ERCC1: variants seen among roughly 807,000 people sequenced by gnomAD.
The protein encoded by ERCC1 is DNA excision repair protein ERCC-1.
Under a neutral mutation model 37.6 loss-of-function variants are expected in ERCC1, and 36 were observed. That is an observed-to-expected ratio of 0.96 (90% confidence interval 0.73 to 1.26). ERCC1 has a LOEUF of 1.26. Among genes scored for constraint, ERCC1 ranks in the 50% most tolerant of loss-of-function variants. The probability of loss-of-function intolerance (pLI) is 0.00; values close to 1 mark genes in which losing one functional copy is unlikely to be tolerated. For synonymous variants in ERCC1, 156 were observed against 162.1 expected (o/e 0.96, Z 0.28); for missense variants, 349 against 376.5 (o/e 0.93, Z 0.60).
chr19:45,408,343 G>A lies in ERCC1; in HGVS notation c.*1332C>T. ...TCCTTGAGGGTCCCCAGCAATCCCT[G>A]TCAGGGAGCCCTCTGCAGCCCATCC... On this transcript the variant is annotated 3_prime_UTR_variant, in exon 10 of 10. Coordinates refer to ENST00000300853, the MANE Select transcript of ERCC1 (RefSeq NM_001983.4). 1 of 1,608,348 alleles carries A rather than the reference G, an allele frequency of 6.2e-7. No individual in the cohort carries two copies. Among genetic ancestry groups the A allele is most frequent in the Non-Finnish European group, 8.5e-7 (1 of 1,175,906 alleles).
chr19:45,418,826 A>G (rs1568583695), intron 5 of ERCC1, among the ~76,000 whole-genome samples: 1 of 152,020 alleles, frequency 6.6e-6, no homozygotes, highest in Non-Finnish European at 1.5e-5. Context: ...TCCGTCTCAA[A>G]CAAACAAACA....
At chr19:45,416,764 G>C in intron 6 of ERCC1, 57 bp downstream of exon 6, 1 of 1,340,862 alleles carries the variant, frequency 7.5e-7, no homozygotes. Flanking sequence ...GTGGGATGGG[G>C]GAGCAGGGAC....
rs372342771 is a variant in ERCC1, at chr19:45,413,765, G to A, written c.775-20C>T. ...CAGAGACTGAAAGGTGAAAGCGAGG[G>A]GTCAGGGCAGTTGAGCACAAAAGCC... On this transcript the variant is annotated intron_variant, in intron 8 of 9. Transcript: ENST00000300853. 3.4e-5 allele frequency: 55 copies of A among 1,612,212 alleles called. No homozygotes were observed. The African/African-American group carries it at 6.1e-4, about 18-fold the overall frequency.
chr19:45,427,995 G>C (rs1974737215), upstream of ERCC1, among the ~76,000 whole-genome samples: 1 of 151,974 alleles, frequency 6.6e-6, no homozygotes, highest in Non-Finnish European at 1.5e-5. Context: ...AAATTGCCCT[G>C]GGTTCTACGT....
At chr19:45,419,915 GC>G (rs905899081) in intron 4 of ERCC1, among the ~76,000 whole-genome samples, 5 of 61,672 alleles carry the variant, frequency 8.1e-5, no homozygotes, top group Non-Finnish European at 1.6e-4. Context: ...CAGGCCCCCA[GC>G]CCCTCCTCCC....
intron 1 of ERCC1, among the ~76,000 whole-genome samples, chr19:45,444,609 A>C (rs1056004594): frequency 2.6e-5 from 4 of 152,178 alleles, no homozygotes; most frequent in African/African-American, 7.2e-5. Flanking sequence ...GAGGAGATAC[A>C]GAGATCAGGG....
chr19:45,447,716 T>C (rs183769500), intron 1 of ERCC1, among the ~76,000 whole-genome samples: 3 of 152,148 alleles, frequency 2.0e-5, no homozygotes, highest in Non-Finnish European at 4.4e-5. Context: ...CTCTTGTCCC[T>C]GGCTGTGTGT....
chr19:45,441,967 C>T (rs1975131897), intron 1 of ERCC1, among the ~76,000 whole-genome samples: 1 of 151,960 alleles, frequency 6.6e-6, no homozygotes, highest in Admixed American at 6.6e-5. Flanking sequence ...CAGGTGTGAG[C>T]CACTGTGCAC....
chr19:45,415,055 C>T (rs892711520), intron 6 of ERCC1, 95 bp from the exon 7 acceptor site: 7 of 914,374 alleles, frequency 7.7e-6, no homozygotes, highest in East Asian at 2.7e-5. Context: ...AATACTAGGC[C>T]GGGCGCGGTG....
chr19:45,442,688 G>T (rs1249701301), intron 1 of ERCC1, among the ~76,000 whole-genome samples: 1 of 152,186 alleles, frequency 6.6e-6, no homozygotes, highest in Admixed American at 6.5e-5. Context: ...TTCAGGCCAG[G>T]ATACAAATCC....
intron 9 of ERCC1, among the ~76,000 whole-genome samples, chr19:45,411,806 T>G (rs943873103): frequency 6.6e-6 from 1 of 151,238 alleles, no homozygotes; most frequent in South Asian, 2.1e-4. Context: ...AAAATAATAA[T>G]AAGCCATTTT....
rs777368519 is a variant in ERCC1 at position 45,408,901 on chromosome 19, A to G, written c.*774T>C. Reference sequence around the variant, plus strand: ...AGGGGGTGACAGTTGAGTCTCAGCCACAGGTGAAGGTGGAGCCACTGGAGG... The same window carrying G: ...AGGGGGTGACAGTTGAGTCTCAGCCGCAGGTGAAGGTGGAGCCACTGGAGG... On this transcript the variant is annotated 3_prime_UTR_variant, in exon 10 of 10. Transcript: ENST00000300853. 1 of 1,614,134 alleles carries G rather than the reference A, an allele frequency of 6.2e-7. No homozygotes were observed. Among genetic ancestry groups the G allele is most frequent in the East Asian group, 2.2e-5 (1 of 44,884 alleles).
intron 1 of ERCC1, among the ~76,000 whole-genome samples, chr19:45,447,357 C>T (rs1363363422): frequency 1.3e-5 from 2 of 148,458 alleles, no homozygotes; most frequent in Middle Eastern, 3.4e-3. Context: ...CTCACTGCAA[C>T]GTCTCCCTTT....
intron 1 of ERCC1, 198 bp from the exon 2 acceptor site, chr19:45,423,579 G>A: frequency 7.1e-6 from 10 of 1,414,758 alleles, no homozygotes; most frequent in Non-Finnish European, 9.2e-6. Context: ...CCCCTTACAG[G>A]TCCACAAGTC....
intron 1 of ERCC1, among the ~76,000 whole-genome samples, chr19:45,439,063 G>C (rs527325943): frequency 1.3e-5 from 2 of 152,156 alleles, no homozygotes; most frequent in South Asian, 4.2e-4. Context: ...GCGCATGCCT[G>C]TAATCCCAGC....
chr19:45,410,596 T>TGTGTGTGTGTGTGTGTGTGTGG (rs896460788), intron 9 of ERCC1: 1 of 151,610 alleles, frequency 6.6e-6, no homozygotes, highest in African/African-American at 2.4e-5. Context: ...TGTGTGTGTG[T>TGTGTGTGTGTGTGTGTGTGTGG]GGTACCCATT....
chr19:45,445,438 G>C (rs982039847), intron 1 of ERCC1, among the ~76,000 whole-genome samples: 1 of 152,164 alleles, frequency 6.6e-6, no homozygotes, highest in African/African-American at 2.4e-5. Context: ...AATTGGAAGG[G>C]GGATGACCAA....
chr19:45,419,539 G>A (rs1222248486), intron 4 of ERCC1: 1 of 348,620 alleles, frequency 2.9e-6, no homozygotes, highest in South Asian at 2.5e-5. Flanking sequence ...TGGGAAGCAG[G>A]GCCCACTGCC....
At chr19:45,425,082 A>ATTTTTTTTTTTT (rs35314737), upstream of ERCC1, among the ~76,000 whole-genome samples, 227 of 116,928 alleles carry the variant, frequency 1.9e-3, no homozygotes, top group Non-Finnish European at 3.5e-3. Flanking sequence ...TGCCCGGCTA[A>ATTTTTTTTTTTT]TTTTTTTTTT....
Sources: gnomAD v4.1 joint callset for allele counts (sites outside exome capture counted in the v4.1 genomes callset) on GRCh38, gnomAD v4.1.1 for gene constraint, MANE v1.5 for transcripts, NCBI Gene and HGNC (gene_info 2026-07-23, HGNC 2026-07-21) for gene names.